The following DNAJC15 variants were observed in gnomAD, a reference collection of about 807,000 sequenced individuals.
DNAJC15 encodes the protein dnaJ homolog subfamily C member 15.
A neutral mutation model predicts 22.4 loss-of-function variants in DNAJC15; 27 were observed. The observed-to-expected ratio is 1.20, with a 90% confidence interval of 0.89 to 1.66. The LOEUF (loss-of-function observed/expected upper bound fraction) is 1.66, where lower values mean the gene tolerates loss of function less well. Among genes scored for constraint, DNAJC15 ranks in the 40% most tolerant of loss-of-function variants. The pLI is 0.00. For missense variants in DNAJC15, 208 were observed against 187.1 expected, an observed-to-expected ratio of 1.11 and a Z score of -0.65; for synonymous variants, 79 against 63.2, an observed-to-expected ratio of 1.25 and a Z score of -1.19.
intron 1 of DNAJC15, among the ~76,000 whole-genome samples, chr13:43,051,572 C>T (rs1159971706): frequency 2.6e-5 from 4 of 152,096 alleles, no homozygotes; most frequent in Non-Finnish European, 5.9e-5. Context: ...TGGTCTCCAA[C>T]TCCATCCAGG....
chr13:43,100,868 ATTC>A (rs1421598815), intron 5 of DNAJC15, among the ~76,000 whole-genome samples: 2 of 151,924 alleles, frequency 1.3e-5, no homozygotes, highest in Non-Finnish European at 2.9e-5. Context: ...GCTGGTATTT[ATTC>A]TTCATTTCTT....
At chr13:43,089,817 T>A (rs2040705814) in intron 5 of DNAJC15, among the ~76,000 whole-genome samples, 1 of 152,212 alleles carries the variant, frequency 6.6e-6, no homozygotes, top group Non-Finnish European at 1.5e-5. Flanking sequence ...TATTTTTGAT[T>A]TTTAAGTATA....
chr13:43,038,068 T>C (rs1051415832), intron 1 of DNAJC15, among the ~76,000 whole-genome samples: 4 of 152,248 alleles, frequency 2.6e-5, no homozygotes, highest in African/African-American at 9.6e-5. Flanking sequence ...AGTCAGATTG[T>C]TTCCATTTTT....
At chr13:43,037,559 A>T (rs989501948) in intron 1 of DNAJC15, among the ~76,000 whole-genome samples, 1 of 152,154 alleles carries the variant, frequency 6.6e-6, no homozygotes, top group Admixed American at 6.5e-5. Context: ...TGATGTTAAA[A>T]CATGTTAAAC....
At chr13:43,030,680 C>T (rs74063024) in intron 1 of DNAJC15, among the ~76,000 whole-genome samples, 3,982 of 152,190 alleles carry the variant, frequency 0.026, 160 homozygotes, top group African/African-American at 0.087. Flanking sequence ...GAATCAAATA[C>T]GCATTTTTTC....
chr13:43,078,868 C>T (rs2040648359), intron 4 of DNAJC15, 180 bp downstream of exon 4: 1 of 395,202 alleles, frequency 2.5e-6, no homozygotes. Flanking sequence ...CCTAAAAAAA[C>T]AAAACAAAAC....
At chr13:43,036,608 GGT>G (rs1290941621) in intron 1 of DNAJC15, among the ~76,000 whole-genome samples, 2 of 152,196 alleles carry the variant, frequency 1.3e-5, no homozygotes, top group African/African-American at 4.8e-5. Context: ...TTGAAGGAGG[GGT>G]TCTGCCAGGG....
rs1450705395 is a variant in DNAJC15, at chr13:43,112,791, T to G, written c.*5543T>G. The G allele has an allele frequency of 6.6e-6, 1 of 152,174 alleles. No homozygotes were observed. The allele number at this position is 152,174 out of a possible 1,614,324, so 9.4% of individuals were successfully genotyped here. On this transcript the variant is annotated 3_prime_UTR_variant, in exon 6 of 6. Coordinates refer to ENST00000379221, the MANE Select transcript of DNAJC15 (RefSeq NM_013238.3). ...AACCAAATTCAGACTCTGAATCGCA[T>G]GCTGTTTATATTATATTGCACTCAT...
chr13:43,085,800 C>T lies in DNAJC15; in HGVS notation c.344C>T (p.Ala115Val), dbSNP rs2040685148. Residue 115 changes from alanine to valine, a missense_variant, in exon 5 of 6, where the codon GCT (alanine) becomes GTT (valine). Physicochemically the swap from Ala to Val is moderately conservative, Grantham distance 64. Coordinates refer to ENST00000379221, the MANE Select transcript of DNAJC15 (RefSeq NM_013238.3). ...PSAGKAKIRT[A>V]HRRVMILNHP... is the part of the protein sequence containing the mutation. ...GCTGGCAAGGCTAAGATTAGAACAG[C>T]TCATAGGAGAGTCATGATTTTGAAT... is the stretch of plus-strand genomic sequence containing the variant. 6.2e-7 allele frequency: 1 copy of T among 1,613,670 alleles called. No homozygotes were observed. Among genetic ancestry groups the T allele is most frequent in the South Asian group, 1.1e-5 (1 of 91,002 alleles).
chr13:43,039,912 G>A (rs566644261), intron 1 of DNAJC15, among the ~76,000 whole-genome samples: 2 of 152,084 alleles, frequency 1.3e-5, no homozygotes, highest in African/African-American at 2.4e-5. Flanking sequence ...CCATTTACTC[G>A]GGAAGCTGAG....
At chr13:43,035,900 A>G (rs1196194649) in intron 1 of DNAJC15, among the ~76,000 whole-genome samples, 1 of 151,602 alleles carries the variant, frequency 6.6e-6, no homozygotes, top group East Asian at 2.0e-4. Flanking sequence ...TTTTATTTTT[A>G]TATTTGGTAG....
chr13:43,084,411 T>C (rs2040677695), intron 4 of DNAJC15, among the ~76,000 whole-genome samples: 1 of 152,208 alleles, frequency 6.6e-6, no homozygotes, highest in Non-Finnish European at 1.5e-5. Context: ...GCAACTGAGT[T>C]TAAGCAAGAC....
chr13:43,083,949 C>T (rs1269508820), intron 4 of DNAJC15, among the ~76,000 whole-genome samples: 1 of 152,166 alleles, frequency 6.6e-6, no homozygotes, highest in Non-Finnish European at 1.5e-5. Flanking sequence ...TATGTGCCTA[C>T]TCAGCAATTA....
At chr13:43,106,014 T>C (rs2040795147) in intron 5 of DNAJC15, among the ~76,000 whole-genome samples, 2 of 152,166 alleles carry the variant, frequency 1.3e-5, no homozygotes, top group African/African-American at 4.8e-5. Flanking sequence ...AAGAGGTAAA[T>C]ATAGCTTTCT....
intron 1 of DNAJC15, among the ~76,000 whole-genome samples, chr13:43,036,795 A>G (rs933343304): frequency 6.6e-6 from 1 of 152,244 alleles, no homozygotes; most frequent in Non-Finnish European, 1.5e-5. Flanking sequence ...GAGGGGGCTG[A>G]AGTGGCAGGG....
At chr13:43,033,161 T>C (rs943124219) in intron 1 of DNAJC15, among the ~76,000 whole-genome samples, 1 of 152,104 alleles carries the variant, frequency 6.6e-6, no homozygotes, top group Admixed American at 6.5e-5. Context: ...AGGCCCCACC[T>C]CCCACATTGG....
chr13:43,053,984 C>CT (rs1390342838), intron 1 of DNAJC15, among the ~76,000 whole-genome samples: 2 of 152,176 alleles, frequency 1.3e-5, no homozygotes, highest in Non-Finnish European at 2.9e-5. Context: ...GCATCCTTGT[C>CT]TTGTTGCAGT....
At chr13:43,101,045 A>G (rs2040766401) in intron 5 of DNAJC15, among the ~76,000 whole-genome samples, 1 of 152,126 alleles carries the variant, frequency 6.6e-6, no homozygotes, top group Non-Finnish European at 1.5e-5. Flanking sequence ...TTCAAAGTTT[A>G]CTTTGTCTCA....
At position 43,112,723 on chromosome 13, in the gene DNAJC15, G is replaced by GTA. The variant is rs1330731281; in HGVS notation, c.*5475_*5476insTA. The GTA allele has an allele frequency of 6.6e-6, 1 of 152,096 alleles. No homozygotes were observed. Among genetic ancestry groups the GTA allele is most frequent in the Non-Finnish European group, 1.5e-5 (1 of 68,016 alleles). 9.4% of individuals were successfully genotyped at this position (152,096 alleles called of 1,614,324 possible). On this transcript the variant is annotated 3_prime_UTR_variant, in exon 6 of 6. Transcript: ENST00000379221. ...AAGAAACAGGCTCAGAGGAGTTTAG[G>GTA]ATCTTTTCCAAGATTACATAGCCAG...
Sources: gnomAD v4.1 joint callset for allele counts (sites outside exome capture counted in the v4.1 genomes callset) on GRCh38, gnomAD v4.1.1 for gene constraint, MANE v1.5 for transcripts, NCBI Gene and HGNC (gene_info 2026-07-23, HGNC 2026-07-21) for gene names.